Variants in ZCRB1 observed in about 807,000 individuals in gnomAD.
ZCRB1 encodes the protein zinc finger CCHC-type and RNA-binding motif-containing protein 1.
In ZCRB1, 21 loss-of-function variants were observed where a neutral mutation model predicts 29.9. That is an observed-to-expected ratio of 0.70 (90% confidence interval 0.50 to 1.01). The LOEUF is 1.01. Among genes scored for constraint, ZCRB1 ranks in the 50% least tolerant of loss-of-function variants. ZCRB1 has a pLI of 0.00. For synonymous variants in ZCRB1, 77 were observed against 80.0 expected, an observed-to-expected ratio of 0.96 and a Z score of 0.20; for missense variants, 204 against 253.3, an observed-to-expected ratio of 0.81 and a Z score of 1.32.
intron 6 of ZCRB1, 33 bp downstream of exon 6, chr12:42,313,841 T>C (rs769292428): frequency 6.2e-7 from 1 of 1,609,098 alleles, no homozygotes; most frequent in Non-Finnish European, 8.5e-7. Context: ...AAAAGCAACA[T>C]GATGATGTAT....
chr12:42,324,487 C>A (rs568694969), intron 1 of ZCRB1, among the ~76,000 whole-genome samples: 1 of 152,244 alleles, frequency 6.6e-6, no homozygotes, highest in Non-Finnish European at 1.5e-5. Context: ...ACCAATACAT[C>A]AGACCAGTCT....
intron 1 of ZCRB1, among the ~76,000 whole-genome samples, chr12:42,325,150 T>C (rs2137540584): frequency 6.6e-6 from 1 of 152,324 alleles, no homozygotes; most frequent in Non-Finnish European, 1.5e-5. Context: ...TATGGTACAA[T>C]GTATTACACT....
chr12:42,324,289 T>C (rs1367680815), intron 1 of ZCRB1, among the ~76,000 whole-genome samples, 185 bp from the exon 2 acceptor site: 2 of 152,100 alleles, frequency 1.3e-5, no homozygotes, highest in Non-Finnish European at 2.9e-5. Context: ...GCTGGGATTA[T>C]AGGCATCCAC....
In ZCRB1 at chr12:42,313,785, AT is replaced by A; in HGVS notation, c.447-21del. 2.5e-6 allele frequency: 4 copies of A among 1,613,616 alleles called. No individual in the cohort carries two copies. The highest frequency in any genetic ancestry group is 2.5e-6 in the Non-Finnish European group (3 of 1,179,868). On this transcript the variant is annotated intron_variant, in intron 6 of 7. Coordinates refer to ENST00000266529, the MANE Select transcript of ZCRB1 (RefSeq NM_033114.4). Reference sequence around the variant, plus strand: ...TCCTCACTTAAATAAAGAAAAACAAATTGGAATGTAACCAACCAATAATCAA... The same window carrying A: ...TCCTCACTTAAATAAAGAAAAACAAATGGAATGTAACCAACCAATAATCAA...
intron 1 of ZCRB1, chr12:42,325,315 T>C (rs2068688649): frequency 6.6e-6 from 1 of 152,210 alleles, no homozygotes; most frequent in African/African-American, 2.4e-5. Context: ...TTTCCCCTTT[T>C]AGTATGATGT....
intron 7 of ZCRB1, 35 bp from the exon 8 acceptor site, chr12:42,313,233 T>C (rs376021957): frequency 8.2e-6 from 13 of 1,580,728 alleles, no homozygotes; most frequent in Non-Finnish European, 1.1e-5. Flanking sequence ...ACCAATAACC[T>C]GTTTAATATT....
chr12:42,314,260 C>T (rs2068583613), intron 5 of ZCRB1, among the ~76,000 whole-genome samples: 1 of 151,550 alleles, frequency 6.6e-6, no homozygotes, highest in African/African-American at 2.4e-5. Flanking sequence ...TCTCAAAATT[C>T]AAGATATAAA....
At chr12:42,317,164 C>T (rs984265884) in intron 5 of ZCRB1, among the ~76,000 whole-genome samples, 176 bp downstream of exon 5, 2 of 152,140 alleles carry the variant, frequency 1.3e-5, no homozygotes, top group Admixed American at 6.5e-5. Context: ...GTTGTGACTG[C>T]ATCACTGCAC....
intron 2 of ZCRB1, 74 bp from the exon 3 acceptor site, chr12:42,322,520 G>T: frequency 7.5e-7 from 1 of 1,338,156 alleles, no homozygotes; most frequent in South Asian, 1.5e-5. Context: ...TGCAGACATT[G>T]ACCAAATTCT....
chr12:42,323,272 T>C (rs2068630462), intron 2 of ZCRB1, among the ~76,000 whole-genome samples: 1 of 152,208 alleles, frequency 6.6e-6, no homozygotes, highest in Non-Finnish European at 1.5e-5. Context: ...ATATAATACT[T>C]ACTAATGGCT....
chr12:42,325,518 A>T (rs2068698120), intron 1 of ZCRB1: 1 of 152,220 alleles, frequency 6.6e-6, no homozygotes, highest in Non-Finnish European at 1.5e-5. Flanking sequence ...ATCTTATCTT[A>T]CAAAGTCAGC....
intron 2 of ZCRB1, 50 bp downstream of exon 2, chr12:42,323,969 T>C: frequency 6.7e-7 from 1 of 1,497,742 alleles, no homozygotes; most frequent in South Asian, 1.2e-5. Context: ...AACTATTTGC[T>C]TAAGGTTATC....
chr12:42,323,925 A>C, intron 2 of ZCRB1, 94 bp downstream of exon 2: 1 of 1,212,634 alleles, frequency 8.2e-7, no homozygotes, highest in Non-Finnish European at 1.2e-6. Flanking sequence ...AAAAAAAGAA[A>C]AAAAAAAAAA....
At chr12:42,316,196 G>A (rs1460596438) in intron 5 of ZCRB1, among the ~76,000 whole-genome samples, 1 of 152,098 alleles carries the variant, frequency 6.6e-6, no homozygotes, top group African/African-American at 2.4e-5. Context: ...CTGGGTTCAA[G>A]CGAGTCTCCT....
chr12:42,320,834 T>A (rs556943995), intron 3 of ZCRB1, among the ~76,000 whole-genome samples: 13 of 152,202 alleles, frequency 8.5e-5, no homozygotes, highest in Non-Finnish European at 1.8e-4. Context: ...CACCCCTCAC[T>A]TAAAATTCTT....
At chr12:42,315,025 T>C (rs2068588263) in intron 5 of ZCRB1, among the ~76,000 whole-genome samples, 1 of 152,214 alleles carries the variant, frequency 6.6e-6, no homozygotes, top group Non-Finnish European at 1.5e-5. Flanking sequence ...CTTCCGTTTT[T>C]TCCCTTTTAT....
At chr12:42,315,881 T>C (rs1354548478) in intron 5 of ZCRB1, among the ~76,000 whole-genome samples, 2 of 152,152 alleles carry the variant, frequency 1.3e-5, no homozygotes, top group African/African-American at 2.4e-5. Flanking sequence ...TCCAAGCAAC[T>C]GCTTGCTCAC....
chr12:42,313,856 T>C lies in ZCRB1; in HGVS notation c.446+18A>G. On this transcript the variant is annotated intron_variant, in intron 6 of 7. Transcript: ENST00000266529. ...AAAAGCAACATGATGATGTATTTAG[T>C]AAGAATAATATACATACATTTCTTC... 12 of 1,607,048 alleles carry C rather than the reference T, an allele frequency of 7.5e-6. No homozygotes were observed. The highest frequency in any genetic ancestry group is 5.4e-5 in the African/African-American group (4 of 74,238).
At chr12:42,317,739 G>T in intron 4 of ZCRB1, 48 bp downstream of exon 4, 2 of 1,544,962 alleles carry the variant, frequency 1.3e-6, no homozygotes, top group Non-Finnish European at 1.8e-6. Context: ...GCCTGGATGA[G>T]CATAAAGGCT....
Sources: gnomAD v4.1 joint callset for allele counts (sites outside exome capture counted in the v4.1 genomes callset) on GRCh38, gnomAD v4.1.1 for gene constraint, MANE v1.5 for transcripts, NCBI Gene and HGNC (gene_info 2026-07-23, HGNC 2026-07-21) for gene names.